Variants in BMPR2 observed in about 807,000 individuals in gnomAD.
BMPR2 encodes the protein bone morphogenetic protein receptor type-2.
Under a neutral mutation model 100.8 loss-of-function variants are expected in BMPR2, and 29 were observed. That is an observed-to-expected ratio of 0.29 (90% CI 0.21 to 0.39). The LOEUF is 0.39. Among genes scored for constraint, BMPR2 ranks in the 10% least tolerant of loss-of-function variants. The probability of loss-of-function intolerance (pLI) is 1.00; values close to 1 mark genes in which losing one functional copy is unlikely to be tolerated. For missense variants in BMPR2, 1,011 were observed against 1,274.5 expected (o/e 0.79, Z 3.15); for synonymous variants, 382 against 442.3 (o/e 0.86, Z 1.71).
intron 1 of BMPR2, among the ~76,000 whole-genome samples, chr2:202,385,476 C>T (rs1015055142): frequency 2.7e-5 from 4 of 149,290 alleles, no homozygotes; most frequent in Non-Finnish European, 5.9e-5. Context: ...AGCGATTCTC[C>T]TGCCTCAGCC....
At chr2:202,381,194 C>G (rs1377464241) in intron 1 of BMPR2, among the ~76,000 whole-genome samples, 1 of 151,890 alleles carries the variant, frequency 6.6e-6, no homozygotes, top group Non-Finnish European at 1.5e-5. Flanking sequence ...AGGCTGATCT[C>G]AAACTCCTGA....
At chr2:202,377,599 G>A (rs371639525) in intron 1 of BMPR2, 49 bp downstream of exon 1, 1 of 1,598,050 alleles carries the variant, frequency 6.3e-7, no homozygotes, top group Non-Finnish European at 8.6e-7. Context: ...TGCGGGTGGC[G>A]AGGGAGGGAG....
chr2:202,481,712 A>T (rs556331880), intron 3 of BMPR2, among the ~76,000 whole-genome samples: 2 of 152,190 alleles, frequency 1.3e-5, no homozygotes, highest in African/African-American at 4.8e-5. Context: ...TCAGTGTACA[A>T]GCCTTACAGT....
intron 3 of BMPR2, 108 bp downstream of exon 3, chr2:202,467,797 G>A (rs1692357674): frequency 5.2e-6 from 6 of 1,144,828 alleles, no homozygotes; most frequent in Admixed American, 1.9e-5. Flanking sequence ...GATGGCTCAT[G>A]CCTGTAATGC....
At chr2:202,501,061 G>A (rs894817882) in intron 3 of BMPR2, among the ~76,000 whole-genome samples, 2 of 152,226 alleles carry the variant, frequency 1.3e-5, no homozygotes, top group African/African-American at 2.4e-5. Context: ...CTACCAGTTC[G>A]GAAGCCTCGT....
chr2:202,501,537 CA>C (rs1267113269), intron 3 of BMPR2, among the ~76,000 whole-genome samples: 6 of 152,216 alleles, frequency 3.9e-5, no homozygotes. Context: ...ACTCGTGGGA[CA>C]ATCCCACAAC....
At position 202,567,615 on chromosome 2, in the gene BMPR2, T is replaced by C. The variant is rs1411941943; in HGVS notation, c.*7669T>C. On this transcript the variant is annotated 3_prime_UTR_variant, in exon 13 of 13. Coordinates refer to ENST00000374580, the MANE Select transcript of BMPR2 (RefSeq NM_001204.7). ...AAGTGTAAGTAAATGCTTTGATATATATAAACCTAAATAAAAAGATTGTAT... is the reference window on the plus strand; with the variant it reads ...AAGTGTAAGTAAATGCTTTGATATACATAAACCTAAATAAAAAGATTGTAT... 1 of 152,622 alleles carries C rather than the reference T, an allele frequency of 6.6e-6. No homozygotes were observed. Among genetic ancestry groups the C allele is most frequent in the Non-Finnish European group, 1.5e-5 (1 of 68,042 alleles). 9.5% of individuals were successfully genotyped at this position (152,622 alleles called of 1,614,324 possible).
At chr2:202,466,433 C>T (rs569317548) in intron 2 of BMPR2, among the ~76,000 whole-genome samples, 3 of 151,978 alleles carry the variant, frequency 2.0e-5, no homozygotes, top group African/African-American at 4.8e-5. Flanking sequence ...ACTACAGGTG[C>T]GCACCACCAC....
chr2:202,401,345 C>T (rs1690765912), intron 1 of BMPR2, among the ~76,000 whole-genome samples: 1 of 152,126 alleles, frequency 6.6e-6, no homozygotes, highest in African/African-American at 2.4e-5. Flanking sequence ...GTTTTTTACT[C>T]CAGTAGGTGC....
intron 5 of BMPR2, among the ~76,000 whole-genome samples, chr2:202,517,479 A>G (rs1687734053): frequency 6.6e-6 from 1 of 151,662 alleles, no homozygotes; most frequent in African/African-American, 2.4e-5. Context: ...TTAAGTCTCC[A>G]CAAAAGTGAC....
In BMPR2 at chr2:202,447,952, G is replaced by A. The variant is rs372436490; in HGVS notation, c.77-16857G>A. Among the ~76,000 whole-genome samples the A allele has an allele frequency of 3.2e-3, 478 of 150,116 alleles. 48 individuals are homozygous for A. Among genetic ancestry groups the A allele is most frequent in the African/African-American group, 0.012 (463 of 39,626 alleles). On this transcript the variant is annotated intron_variant, in intron 1 of 12. Transcript: ENST00000374580. Reference sequence around the variant, plus strand: ...TGAGGATGGCCACCCATTGCAACATGGGTTGAAAAAATAGAGTCATCCAAA... The same window carrying A: ...TGAGGATGGCCACCCATTGCAACATAGGTTGAAAAAATAGAGTCATCCAAA...
intron 3 of BMPR2, among the ~76,000 whole-genome samples, chr2:202,485,545 C>CTTTGTTTTTTTTTTTTTTTTTTT (rs1692756690): frequency 1.6e-5 from 1 of 64,010 alleles, no homozygotes; most frequent in Non-Finnish European, 2.7e-5. Flanking sequence ...TTGCCTTTAT[C>CTTTGTTTTTTTTTTTTTTTTTTT]TTTTTTTTTT....
At chr2:202,534,594 C>T (rs887839296) in intron 9 of BMPR2, among the ~76,000 whole-genome samples, 39 of 152,224 alleles carry the variant, frequency 2.6e-4, no homozygotes, top group Non-Finnish European at 5.0e-4. Flanking sequence ...CACAGATCAA[C>T]AGGATCCCAA....
At chr2:202,542,225 T>A in intron 9 of BMPR2, 86 bp from the exon 10 acceptor site, 4 of 1,509,332 alleles carry the variant, frequency 2.7e-6, no homozygotes, top group Non-Finnish European at 3.7e-6. Flanking sequence ...TTTTTTTGCT[T>A]ACTTGGTATC....
chr2:202,469,813 A>AC (rs987926813), intron 3 of BMPR2, among the ~76,000 whole-genome samples: 2 of 151,970 alleles, frequency 1.3e-5, no homozygotes, highest in Non-Finnish European at 2.9e-5. Context: ...TATAATAACT[A>AC]CCCTGATACC....
chr2:202,561,590 T>C lies in BMPR2; in HGVS notation c.*1644T>C, dbSNP rs1230171920. The C allele has an allele frequency of 6.6e-6, 1 of 152,148 alleles. No individual in the cohort carries two copies. The highest frequency in any genetic ancestry group is 2.4e-5 in the African/African-American group (1 of 41,450). 9.4% of individuals were successfully genotyped at this position (152,148 alleles called of 1,614,324 possible). On this transcript the variant is annotated 3_prime_UTR_variant, in exon 13 of 13. Transcript: ENST00000374580. ...TTATCAGAGTACTTAGTAAATGTTA[T>C]ATAGTTTAGTTCTAAGATAGTTCCA... is the stretch of plus-strand genomic sequence containing the variant.
chr2:202,409,051 A>G (rs1457999002), intron 1 of BMPR2, among the ~76,000 whole-genome samples: 2 of 152,196 alleles, frequency 1.3e-5, no homozygotes, highest in African/African-American at 4.8e-5. Context: ...GTTCATCAAA[A>G]CAGGTATATG....
Position 202,532,632 on chromosome 2 carries a change from G to A in BMPR2, c.1176G>A (p.Val392=). The change falls in exon 9 of 13, where the codon GTG becomes GTA. Residue 392 remains valine, a synonymous_variant. Coordinates refer to ENST00000374580, the MANE Select transcript of BMPR2 (RefSeq NM_001204.7). The surrounding 1 kb of genome is among the most constrained non-coding windows in gnomAD (Gnocchi z 4.1). ...YMAPEVLEGA[V]NLRDCESALK... ...CACCAGAAGTGCTAGAAGGAGCTGT[G>A]AACTTGAGGGACTGTGAATCAGCTT... is the stretch of plus-strand genomic sequence containing the variant. 6.2e-7 allele frequency: 1 copy of A among 1,613,942 alleles called. No homozygotes were observed. The highest frequency in any genetic ancestry group is 8.5e-7 in the Non-Finnish European group (1 of 1,179,908).
At chr2:202,385,729 G>GT (rs71031894) in intron 1 of BMPR2, among the ~76,000 whole-genome samples, 1 of 149,732 alleles carries the variant, frequency 6.7e-6, no homozygotes, top group African/African-American at 2.5e-5. Flanking sequence ...AATTATATCT[G>GT]TTTTTTTTAC....
Sources: gnomAD v4.1 joint callset for allele counts (sites outside exome capture counted in the v4.1 genomes callset) on GRCh38, gnomAD v4.1.1 for gene constraint, Gnocchi (gnomAD v3.1) non-coding constraint, MANE v1.5 for transcripts, NCBI Gene and HGNC (gene_info 2026-07-23, HGNC 2026-07-21) for gene names.